The following CLUAP1 variants were observed in gnomAD, a reference collection of about 807,000 sequenced individuals.
The protein encoded by CLUAP1 is clusterin-associated protein 1.
Under a neutral mutation model 55.0 loss-of-function variants are expected in CLUAP1, and 50 were observed. That is an observed-to-expected ratio of 0.91 (90% CI 0.72 to 1.15). The LOEUF is 1.15. Ranked by LOEUF, CLUAP1 falls within the 50% of genes most tolerant of loss-of-function variation. The probability of loss-of-function intolerance (pLI) is 0.00; values close to 1 mark genes in which losing one functional copy is unlikely to be tolerated. For missense variants in CLUAP1, 530 were observed against 507.6 expected (o/e 1.04, Z -0.42); for synonymous variants, 195 against 175.4 (o/e 1.11, Z -0.88).
intron 4 of CLUAP1, among the ~76,000 whole-genome samples, chr16:3,511,781 G>T (rs773769991): frequency 3.7e-4 from 57 of 152,192 alleles, no homozygotes; most frequent in Non-Finnish European, 7.2e-4. Flanking sequence ...TTTCCTGAGC[G>T]TGTGTCCCGC....
rs1347049174 is a variant in CLUAP1, at chr16:3,507,242, CAT to C, written c.219+830_219+831del. Among the ~76,000 whole-genome samples, 3 of 147,228 alleles carry C rather than the reference CAT, an allele frequency of 2.0e-5. 1 individual carries two copies. The East Asian group carries it at 6.0e-4, about 29-fold the overall frequency. On this transcript the variant is annotated intron_variant, in intron 3 of 11. Coordinates refer to ENST00000576634, the MANE Select transcript of CLUAP1 (RefSeq NM_015041.3). ...TATTTATTTATTTTTGAATAGATAA[CAT>C]ATTTCATGGCTCACAAATTGAAAGT...
intron 9 of CLUAP1, among the ~76,000 whole-genome samples, chr16:3,527,787 A>G (rs2037975816): frequency 6.6e-6 from 1 of 152,098 alleles, no homozygotes; most frequent in Admixed American, 6.5e-5. Context: ...TAATGGCGTA[A>G]GCTGTCTCTC....
At position 3,536,341 on chromosome 16, in the gene CLUAP1, A is replaced by G. The variant is rs2038231836; in HGVS notation, c.*70A>G. 1.3e-6 allele frequency: 2 copies of G among 1,546,330 alleles called. No individual in the cohort carries two copies. Among genetic ancestry groups the G allele is most frequent in the East Asian group, 4.5e-5 (2 of 44,230 alleles). ...TAGGTAAATGGGAACTTAGAAGGTT[A>G]GGAAGGTAACCCCTGTTTTGTTTAC... On this transcript the variant is annotated 3_prime_UTR_variant, in exon 12 of 12. Coordinates refer to ENST00000576634, the MANE Select transcript of CLUAP1 (RefSeq NM_015041.3).
At chr16:3,495,633 G>A in the CLUAP1 span, 2 of 620,694 alleles carry the variant, frequency 3.2e-6, no homozygotes, top group South Asian at 7.2e-5. Flanking sequence ...GAAGGGGCCA[G>A]AACCCTGGGG....
At chr16:3,512,361 G>A (rs2037645130) in intron 4 of CLUAP1, 22 bp from the exon 5 acceptor site, 1 of 1,594,502 alleles carries the variant, frequency 6.3e-7, no homozygotes, top group African/African-American at 1.3e-5. Context: ...TGAGGTTTCT[G>A]TTTTTGTTAT....
At chr16:3,512,569 A>C in intron 5 of CLUAP1, 91 bp downstream of exon 5, 1 of 974,670 alleles carries the variant, frequency 1.0e-6, no homozygotes, top group South Asian at 1.4e-5. Flanking sequence ...TTCTGATTTA[A>C]TGAAATACAC....
At chr16:3,510,909 C>T (rs574871619) in intron 4 of CLUAP1, among the ~76,000 whole-genome samples, 15 of 152,252 alleles carry the variant, frequency 9.9e-5, no homozygotes, top group Non-Finnish European at 2.1e-4. Flanking sequence ...GAAACTAGAG[C>T]CCAGGGAAAG....
At chr16:3,506,054 A>G (rs1312826589) in intron 2 of CLUAP1, among the ~76,000 whole-genome samples, 2 of 152,234 alleles carry the variant, frequency 1.3e-5, no homozygotes, top group Non-Finnish European at 2.9e-5. Context: ...CCAGGGTAGC[A>G]GTTCTGATTA....
Position 3,536,769 on chromosome 16 carries a change from T to C in CLUAP1, c.*498T>C, listed in dbSNP as rs2038240331. 6.5e-6 allele frequency: 1 copy of C among 152,806 alleles called. No homozygotes were observed. The highest frequency in any genetic ancestry group is 2.4e-5 in the African/African-American group (1 of 41,460). The allele number at this position is 152,806 out of a possible 1,614,324, so 9.5% of individuals were successfully genotyped here. ...CTAGCTCTTATTTCATTTTGTAATC[T>C]TATTTTCTTTCGTCTGCATGTTCAC... On this transcript the variant is annotated 3_prime_UTR_variant, in exon 12 of 12. Transcript: ENST00000576634.
At chr16:3,498,547 A>G (rs569741337), upstream of CLUAP1, among the ~76,000 whole-genome samples, 27 of 152,254 alleles carry the variant, frequency 1.8e-4, no homozygotes, top group Middle Eastern at 3.4e-3. Context: ...GGTGGCTCAC[A>G]CCTGTAATCC....
chr16:3,501,006 T>C lies in CLUAP1; in HGVS notation c.-62T>C, dbSNP rs1281715135. 1 of 1,547,706 alleles carries C rather than the reference T, an allele frequency of 6.5e-7. No homozygotes were observed. Among genetic ancestry groups the C allele is most frequent in the Admixed American group, 1.8e-5 (1 of 55,850 alleles). On this transcript the variant is annotated 5_prime_UTR_variant, in exon 1 of 12. Coordinates refer to ENST00000576634, the MANE Select transcript of CLUAP1 (RefSeq NM_015041.3). ...GGTTGCCATAGAGATCGTCGAGCGC[T>C]GGGCCTGTGATCGCTGAGGGGCGAG...
chr16:3,524,325 G>C (rs1178289317), intron 8 of CLUAP1, among the ~76,000 whole-genome samples: 1 of 151,186 alleles, frequency 6.6e-6, no homozygotes, highest in Non-Finnish European at 1.5e-5. Context: ...AAAAGGGCCG[G>C]GCGCGGTGGC....
intron 7 of CLUAP1, among the ~76,000 whole-genome samples, chr16:3,522,801 T>A (rs866294985): frequency 1.8e-4 from 28 of 151,584 alleles, no homozygotes; most frequent in African/African-American, 2.7e-4. Context: ...ATTTTTTTTT[T>A]AAATGCATTC....
Position 3,504,822 on chromosome 16 carries a change from T to C in CLUAP1, c.125T>C (p.Leu42Pro). 4 of 1,599,738 alleles carry C rather than the reference T, an allele frequency of 2.5e-6. No homozygotes were observed. The highest frequency in any genetic ancestry group is 3.4e-6 in the Non-Finnish European group (4 of 1,166,964). The change falls in exon 2 of 12, where the codon CTT becomes CCT. Residue 42 changes from leucine (L) to proline (P), a missense_variant. Transcript: ENST00000576634. Reference protein sequence around the residue: ...FGLVSEVLLWLVKRYEPQTDI... With the variant: ...FGLVSEVLLWPVKRYEPQTDI... The stretch of plus-strand genomic sequence containing the variant: ...CTTGTATCTGAAGTGCTTCTCTGGC[T>C]TGTGAAAAGGTTCGAACGGCACTTT...
At chr16:3,496,895 G>T (rs1480359449), upstream of CLUAP1, 2 of 298,912 alleles carry the variant, frequency 6.7e-6, no homozygotes, top group African/African-American at 4.9e-5. Context: ...TTTTAAGATG[G>T]AGTCTCACTT....
At chr16:3,520,559 A>G (rs914469022) in intron 7 of CLUAP1, among the ~76,000 whole-genome samples, 1 of 152,254 alleles carries the variant, frequency 6.6e-6, no homozygotes, top group Admixed American at 6.5e-5. Context: ...TGCTTGCGGT[A>G]TGTCTGGAAA....
rs1194999821 is a variant in CLUAP1 at position 3,529,802 on chromosome 16, TTA to T, written c.929-756_929-755del. On this transcript the variant is annotated intron_variant, in intron 9 of 11. Coordinates refer to ENST00000576634, the MANE Select transcript of CLUAP1 (RefSeq NM_015041.3). ...ATATTATATAATATATATTATATTATTATATATATATTATAATATAATATATT... is the reference window on the plus strand; with the variant it reads ...ATATTATATAATATATATTATATTATTATATATATTATAATATAATATATT... 3.3e-3 allele frequency among the ~76,000 whole-genome samples: 86 copies of T among 25,828 alleles called. 1 individual carries two copies. Among genetic ancestry groups the T allele is most frequent in the South Asian group, 0.015 (14 of 932 alleles). The allele number at this position is 25,828 out of a possible 152,430, so 16.9% of individuals were successfully genotyped here. A position where few individuals can be genotyped will look rare whatever the true frequency, so the allele number is the denominator to read the frequency against.
At chr16:3,523,383 T>C in intron 8 of CLUAP1, 84 bp downstream of exon 8, 5 of 1,445,744 alleles carry the variant, frequency 3.5e-6, no homozygotes, top group African/African-American at 2.9e-5. Flanking sequence ...TTAATATCAT[T>C]GTGAAAAAAA....
In CLUAP1 at chr16:3,538,333, G is replaced by C. The variant is rs1048936894; in HGVS notation, c.*2062G>C. ...GATTACCCCTAAAAAAAAAAAAACAGCCAGTATTCAGTGAATTCACCAGTA... is the reference window on the plus strand; with the variant it reads ...GATTACCCCTAAAAAAAAAAAAACACCCAGTATTCAGTGAATTCACCAGTA... On this transcript the variant is annotated 3_prime_UTR_variant, in exon 12 of 12. Transcript: ENST00000576634. 7 of 148,426 alleles carry C rather than the reference G, an allele frequency of 4.7e-5. No individual in the cohort carries two copies. The highest frequency in any genetic ancestry group is 1.7e-4 in the African/African-American group (7 of 40,484). 9.2% of individuals were successfully genotyped at this position (148,426 alleles called of 1,614,324 possible).
Sources: allele counts gnomAD v4.1 joint callset (sites outside exome capture counted in the v4.1 genomes callset), GRCh38; gene constraint gnomAD v4.1.1; transcripts MANE v1.5; gene names NCBI Gene and HGNC (gene_info 2026-07-23, HGNC 2026-07-21).